ERI3: variants seen among roughly 807,000 people sequenced by gnomAD.
ERI3 encodes the protein ERI1 exoribonuclease family member 3.
A neutral mutation model predicts 44.4 loss-of-function variants in ERI3; 18 were observed. The ratio of observed to expected loss-of-function variants is 0.41; its 90% CI spans 0.28 to 0.60. The LOEUF is 0.60. ERI3 is among the 20% of genes least tolerant of loss of function. The pLI, the probability that ERI3 is intolerant of heterozygous loss-of-function variation, is 0.36. For synonymous variants in ERI3, 183 were observed against 164.8 expected, an observed-to-expected ratio of 1.11 and a Z score of -0.84; for missense variants, 294 against 435.5, an observed-to-expected ratio of 0.68 and a Z score of 2.89.
At position 44,319,536 on chromosome 1, in the gene ERI3, C is replaced by T. The variant is rs1646157326; in HGVS notation, c.606+92G>A. 12 of 808,626 alleles carry T rather than the reference C, an allele frequency of 1.5e-5. No individual in the cohort carries two copies. The South Asian group carries it at 1.9e-4, about 13-fold the overall frequency. 50.1% of individuals were successfully genotyped at this position (808,626 alleles called of 1,614,324 possible). ...GCACTTGCCTTAAGGATTGATAAGC[C>T]CTATGCTTTCTCTAAGTGGCCTATA... is the stretch of plus-strand genomic sequence containing the variant. On this transcript the variant is annotated intron_variant, in intron 4 of 8. Transcript: ENST00000372257.
intron 7 of ERI3, among the ~76,000 whole-genome samples, chr1:44,271,750 C>T (rs1168503249): frequency 1.3e-5 from 2 of 152,200 alleles, no homozygotes; most frequent in Non-Finnish European, 2.9e-5. Context: ...AGGTAAGTAA[C>T]TTGTCCAAGA....
At chr1:44,251,263 T>C (rs775548414) in intron 7 of ERI3, among the ~76,000 whole-genome samples, 2 of 152,248 alleles carry the variant, frequency 1.3e-5, no homozygotes, top group Non-Finnish European at 2.9e-5. Flanking sequence ...CCACAAGATA[T>C]GCAGGCCATG....
At chr1:44,352,105 T>G (rs1367216494) in intron 2 of ERI3, among the ~76,000 whole-genome samples, 2 of 152,196 alleles carry the variant, frequency 1.3e-5, no homozygotes, top group African/African-American at 4.8e-5. Context: ...ACTAGCACAG[T>G]GCCTGGCCCT....
At chr1:44,337,790 C>T (rs2154331057) in intron 3 of ERI3, among the ~76,000 whole-genome samples, 1 of 152,220 alleles carries the variant, frequency 6.6e-6, no homozygotes, top group Admixed American at 6.5e-5. Context: ...GACAGACAAA[C>T]CCAGTTTATC....
intron 3 of ERI3, among the ~76,000 whole-genome samples, chr1:44,326,725 G>A (rs1215632409): frequency 6.6e-6 from 1 of 152,188 alleles, no homozygotes; most frequent in Non-Finnish European, 1.5e-5. Flanking sequence ...TTCAGGACAA[G>A]GAAGGGTAAA....
intron 7 of ERI3, among the ~76,000 whole-genome samples, chr1:44,278,628 G>A (rs573787514): frequency 3.9e-5 from 6 of 151,988 alleles, no homozygotes; most frequent in South Asian, 2.1e-4. Flanking sequence ...ATGGAGTCTC[G>A]CTCCGTTGCC....
At chr1:44,297,547 G>A (rs575172491) in intron 6 of ERI3, among the ~76,000 whole-genome samples, 1 of 152,224 alleles carries the variant, frequency 6.6e-6, no homozygotes, top group South Asian at 2.1e-4. Context: ...GAATCTGCCA[G>A]CCCCAGTTCA....
At chr1:44,321,313 G>A (rs1460041701) in intron 3 of ERI3, among the ~76,000 whole-genome samples, 2 of 152,164 alleles carry the variant, frequency 1.3e-5, no homozygotes, top group Non-Finnish European at 2.9e-5. Context: ...GCTGACAGGA[G>A]CTTATTCCCA....
At chr1:44,344,841 T>C (rs926832495) in intron 2 of ERI3, among the ~76,000 whole-genome samples, 4 of 152,102 alleles carry the variant, frequency 2.6e-5, no homozygotes, top group Non-Finnish European at 5.9e-5. Flanking sequence ...AGGAGGAAAA[T>C]GAATGATTCT....
intron 7 of ERI3, among the ~76,000 whole-genome samples, chr1:44,270,276 C>T (rs1645063973): frequency 6.6e-6 from 1 of 152,180 alleles, no homozygotes; most frequent in South Asian, 2.1e-4. Context: ...CCAAACTGTC[C>T]TCAGCTTTTC....
intron 6 of ERI3, among the ~76,000 whole-genome samples, chr1:44,289,407 T>A (rs537084229): frequency 6.6e-6 from 1 of 152,294 alleles, no homozygotes; most frequent in East Asian, 1.9e-4. Flanking sequence ...CCTGAAAAGA[T>A]TAACAAGCCC....
intron 8 of ERI3, among the ~76,000 whole-genome samples, chr1:44,234,144 G>A (rs1315741341): frequency 6.6e-6 from 1 of 151,964 alleles, no homozygotes; most frequent in Middle Eastern, 3.2e-3. Context: ...CTCTCTCTCC[G>A]TGGGCAAACT....
chr1:44,285,240 G>A (rs900762804), intron 6 of ERI3, among the ~76,000 whole-genome samples: 5 of 152,216 alleles, frequency 3.3e-5, no homozygotes, highest in African/African-American at 9.6e-5. Context: ...CACAGGTACT[G>A]TTGTCTACAT....
chr1:44,327,740 G>T (rs1646344190), intron 3 of ERI3, among the ~76,000 whole-genome samples: 1 of 152,190 alleles, frequency 6.6e-6, no homozygotes. Flanking sequence ...CTGGGACTTG[G>T]GCACATGCAG....
intron 2 of ERI3, among the ~76,000 whole-genome samples, chr1:44,340,396 C>T (rs1173503351): frequency 7.9e-5 from 12 of 152,172 alleles, no homozygotes; most frequent in Non-Finnish European, 1.6e-4. Context: ...CTGTACAATA[C>T]AGTAATGGCC....
chr1:44,345,911 G>A (rs1374699099), intron 2 of ERI3, among the ~76,000 whole-genome samples: 3 of 152,146 alleles, frequency 2.0e-5, no homozygotes, highest in Admixed American at 6.5e-5. Flanking sequence ...CCAAGGCCAG[G>A]GTCTCAGGCT....
chr1:44,244,609 G>A (rs1198705314), intron 8 of ERI3, among the ~76,000 whole-genome samples: 8 of 152,080 alleles, frequency 5.3e-5, no homozygotes, highest in Middle Eastern at 3.2e-3. Flanking sequence ...CAGGGCCGAT[G>A]CACTCTTGCT....
chr1:44,318,983 C>G (rs544371217), intron 4 of ERI3, among the ~76,000 whole-genome samples: 2 of 152,332 alleles, frequency 1.3e-5, no homozygotes, highest in African/African-American at 4.8e-5. Flanking sequence ...CTGCCAATGG[C>G]TCTTTTGAGC....
chr1:44,278,477 GAA>G (rs746101806), intron 7 of ERI3, among the ~76,000 whole-genome samples: 1,985 of 80,002 alleles, frequency 0.025, 45 homozygotes, highest in African/African-American at 0.086. Context: ...ACTGTCTCAG[GAA>G]AAAAAAAAAA....
Sources: allele counts gnomAD v4.1 joint callset (sites outside exome capture counted in the v4.1 genomes callset), GRCh38; gene constraint gnomAD v4.1.1; transcripts MANE v1.5; gene names NCBI Gene and HGNC (gene_info 2026-07-23, HGNC 2026-07-21).